Variants in GRIA3 observed in about 807,000 individuals in gnomAD.
GRIA3 encodes the protein glutamate receptor 3.
GRIA3 carries 3 observed loss-of-function variants against 63.0 expected under a neutral mutation model. The ratio of observed to expected loss-of-function variants is 0.05; its 90% confidence interval spans 0.02 to 0.12. The LOEUF is 0.12. GRIA3 is among the 10% of genes least tolerant of loss of function. GRIA3 has a pLI of 1.00. For missense variants in GRIA3, 347 were observed against 700.9 expected, an observed-to-expected ratio of 0.50 and a Z score of 5.70; for synonymous variants, 274 against 257.9, an observed-to-expected ratio of 1.06 and a Z score of -0.60.
chrX:123,345,279 G>A (rs924039000), intron 4 of GRIA3, among the ~76,000 whole-genome samples: 3 of 110,951 alleles, frequency 2.7e-5, no homozygotes, highest in African/African-American at 9.9e-5. Context: ...ATGCGGAGGA[G>A]ATATGCATCT....
chrX:123,315,086 CTG>C (rs989026077), intron 3 of GRIA3, among the ~76,000 whole-genome samples: 9 of 111,587 alleles, frequency 8.1e-5, no homozygotes, highest in African/African-American at 2.3e-4. Context: ...AACTGGGAAA[CTG>C]GGGTCACCTT....
chrX:123,372,835 ACTT>A (rs1244740201), intron 5 of GRIA3, among the ~76,000 whole-genome samples: 5 of 109,489 alleles, frequency 4.6e-5, no homozygotes, highest in African/African-American at 1.7e-4. Context: ...GGATAATTTG[ACTT>A]CTTCTTTTCC....
chrX:123,467,705 A>AT (rs1569441574), intron 13 of GRIA3, among the ~76,000 whole-genome samples: 2 of 112,186 alleles, frequency 1.8e-5, no homozygotes, highest in Non-Finnish European at 3.8e-5. Context: ...CATCCACATG[A>AT]TGCCAAGTGC....
intron 4 of GRIA3, among the ~76,000 whole-genome samples, chrX:123,354,532 T>C (rs1172957037): frequency 1.8e-5 from 2 of 111,663 alleles, no homozygotes; most frequent in African/African-American, 3.3e-5. Flanking sequence ...AAAAAAATAC[T>C]GTACATTCTA....
intron 13 of GRIA3, among the ~76,000 whole-genome samples, chrX:123,472,608 G>A (rs2045869598): frequency 9.0e-6 from 1 of 111,534 alleles, no homozygotes; most frequent in Admixed American, 9.5e-5. Flanking sequence ...AGACTATTGG[G>A]TTCAACTACT....
At chrX:123,340,099 A>C (rs896180627) in intron 4 of GRIA3, among the ~76,000 whole-genome samples, 8 of 111,965 alleles carry the variant, frequency 7.1e-5, no homozygotes, top group Non-Finnish European at 1.5e-4. Context: ...CACACCACCC[A>C]AGACTATGCC....
intron 13 of GRIA3, among the ~76,000 whole-genome samples, chrX:123,475,322 C>A (rs2045882228): frequency 8.9e-6 from 1 of 112,129 alleles, no homozygotes; most frequent in Non-Finnish European, 1.9e-5. Flanking sequence ...TTTCCCATTT[C>A]TCAGAAGGAT....
chrX:123,190,367 T>C (rs1300808833), intron 2 of GRIA3, among the ~76,000 whole-genome samples: 1 of 111,229 alleles, frequency 9.0e-6, no homozygotes, highest in Non-Finnish European at 1.9e-5. Flanking sequence ...CCCTGAAGCA[T>C]GAAGAGGTTG....
At chrX:123,370,473 G>C in intron 5 of GRIA3, among the ~76,000 whole-genome samples, 1 of 111,622 alleles carries the variant, frequency 9.0e-6, no homozygotes, top group Non-Finnish European at 1.9e-5. Flanking sequence ...GCCAACTTCT[G>C]CCCAATAGTC....
chrX:123,400,217 GA>G (rs1372293953), intron 7 of GRIA3, among the ~76,000 whole-genome samples: 7 of 108,588 alleles, frequency 6.4e-5, no homozygotes, highest in African/African-American at 6.7e-5. Context: ...ATTGGGCTAG[GA>G]AAAAAAAATA....
Position 123,278,399 on chromosome X carries a change from C to T in GRIA3, c.508+24857C>T, listed in dbSNP as rs183612959. Among the ~76,000 whole-genome samples, 34 of 112,264 alleles carry T rather than the reference C, an allele frequency of 3.0e-4. No homozygotes were observed. The East Asian group carries it at 7.6e-3, about 25-fold the overall frequency. ...GTGTCCCCACTCTGTTGATTATTTC[C>T]TTTGCTGTTCAGAAGCTTTTTACTT... On this transcript the variant is annotated intron_variant, in intron 3 of 15. Transcript: ENST00000620443.
At chrX:123,339,289 AAG>A (rs1243256552) in intron 4 of GRIA3, among the ~76,000 whole-genome samples, 1 of 112,375 alleles carries the variant, frequency 8.9e-6, no homozygotes, top group African/African-American at 3.2e-5. Context: ...CCGCATGAAA[AAG>A]AAAACAGAAG....
At chrX:123,287,521 G>A (rs369172913) in intron 3 of GRIA3, among the ~76,000 whole-genome samples, 2 of 111,834 alleles carry the variant, frequency 1.8e-5, no homozygotes, top group Non-Finnish European at 3.8e-5. Flanking sequence ...AAACCCCATC[G>A]TCTCAGCCCA....
At chrX:123,202,800 G>T (rs1184739739) in intron 2 of GRIA3, 1 of 1,151,659 alleles carries the variant, frequency 8.7e-7, no homozygotes, top group Non-Finnish European at 1.2e-6. Flanking sequence ...CCCATAGTTT[G>T]AAATCAGCAA....
chrX:123,336,713 C>G (rs2044976614), intron 4 of GRIA3, among the ~76,000 whole-genome samples: 2 of 111,892 alleles, frequency 1.8e-5, no homozygotes. Context: ...TCCTAAAGGA[C>G]TCCAGTATTA....
chrX:123,290,633 G>T (rs1230634375), intron 3 of GRIA3, among the ~76,000 whole-genome samples: 2 of 73,852 alleles, frequency 2.7e-5, no homozygotes, highest in East Asian at 3.7e-4. Flanking sequence ...TGTGTGTAAG[G>T]GTATATGTAT....
At chrX:123,188,705 T>C (rs1041749626) in intron 2 of GRIA3, among the ~76,000 whole-genome samples, 23 of 111,949 alleles carry the variant, frequency 2.1e-4, no homozygotes, top group Non-Finnish European at 4.1e-4. Flanking sequence ...CTTATTCCTA[T>C]GCAAAATTCC....
intron 11 of GRIA3, among the ~76,000 whole-genome samples, chrX:123,418,838 T>C (rs1364719746): frequency 8.9e-6 from 1 of 112,407 alleles, no homozygotes; most frequent in Non-Finnish European, 1.9e-5. Context: ...GGAAAATAGC[T>C]TGGCAGTTTC....
intron 3 of GRIA3, among the ~76,000 whole-genome samples, chrX:123,265,562 A>G (rs2044483238): frequency 8.9e-6 from 1 of 111,998 alleles, no homozygotes; most frequent in African/African-American, 3.2e-5. Flanking sequence ...GCTGAAGAGG[A>G]AGAGGAAGAG....
Sources: allele counts gnomAD v4.1 joint callset (sites outside exome capture counted in the v4.1 genomes callset), GRCh38; gene constraint gnomAD v4.1.1; transcripts MANE v1.5; gene names NCBI Gene and HGNC (gene_info 2026-07-23, HGNC 2026-07-21).